Variants in GLRA2 observed in about 807,000 individuals in gnomAD.
The protein encoded by GLRA2 is glycine receptor alpha 2, also known as glycine receptor subunit alpha-2.
A neutral mutation model predicts 31.6 loss-of-function variants in GLRA2; 11 were observed. The ratio of observed to expected loss-of-function variants is 0.35; its 90% CI spans 0.22 to 0.58. The LOEUF (loss-of-function observed/expected upper bound fraction) is 0.58. Ranked by LOEUF, GLRA2 falls within the 20% of genes least tolerant of loss-of-function variation. GLRA2 has a pLI of 0.84. For missense variants in GLRA2, 212 were observed against 351.8 expected, an observed-to-expected ratio of 0.60 and a Z score of 3.18; for synonymous variants, 132 against 134.0, an observed-to-expected ratio of 0.99 and a Z score of 0.10.
chrX:14,480,579 C>T, the GLRA2 span, among the ~76,000 whole-genome samples: 7 of 111,510 alleles, frequency 6.3e-5, no homozygotes, highest in East Asian at 2.8e-4. Flanking sequence ...CTGCATATAG[C>T]GAGCCAGCTA....
chrX:14,501,072 T>TAAAAAAAA, the GLRA2 span, among the ~76,000 whole-genome samples: 1 of 89,481 alleles, frequency 1.1e-5, no homozygotes, highest in Non-Finnish European at 2.2e-5. Context: ...GAAAAAGTAG[T>TAAAAAAAA]AAAAAAAAAA....
chrX:14,629,789 C>T (rs1480076995), intron 7 of GLRA2, among the ~76,000 whole-genome samples: 3 of 111,415 alleles, frequency 2.7e-5, no homozygotes, highest in African/African-American at 9.8e-5. Context: ...ATATATTTTA[C>T]TTATCACAGT....
chrX:14,603,078 T>A (rs1200304576), intron 4 of GLRA2, among the ~76,000 whole-genome samples: 1 of 94,365 alleles, frequency 1.1e-5, no homozygotes, highest in Non-Finnish European at 2.2e-5. Context: ...CATGCCAACA[T>A]CTATTTTTTT....
chrX:14,491,230 C>T, the GLRA2 span, among the ~76,000 whole-genome samples: 2 of 111,542 alleles, frequency 1.8e-5, no homozygotes, highest in African/African-American at 6.5e-5. Flanking sequence ...ATTATTCTGT[C>T]CATTTGCTGT....
At chrX:14,678,864 T>C (rs1302911492) in intron 7 of GLRA2, among the ~76,000 whole-genome samples, 5 of 111,115 alleles carry the variant, frequency 4.5e-5, no homozygotes, top group Non-Finnish European at 9.4e-5. Flanking sequence ...CCTAGGTCTT[T>C]TGGGGATCCA....
chrX:14,553,130 T>G (rs1601704309), intron 2 of GLRA2, among the ~76,000 whole-genome samples: 2 of 111,838 alleles, frequency 1.8e-5, no homozygotes, highest in Non-Finnish European at 3.8e-5. Context: ...CACATTGAGA[T>G]GGAGGTAGAA....
chrX:14,465,527 T>C, the GLRA2 span, among the ~76,000 whole-genome samples: 1 of 112,445 alleles, frequency 8.9e-6, no homozygotes, highest in Admixed American at 9.5e-5. Flanking sequence ...TTCTCTTGCA[T>C]GTTTCTTAAT....
chrX:14,701,274 G>A (rs1012836144), intron 8 of GLRA2, among the ~76,000 whole-genome samples: 3 of 111,399 alleles, frequency 2.7e-5, no homozygotes, highest in Non-Finnish European at 5.6e-5. Context: ...GCATCAATGT[G>A]CTGGATTCGG....
the GLRA2 span, among the ~76,000 whole-genome samples, chrX:14,508,250 C>T: frequency 3.6e-5 from 4 of 112,253 alleles, no homozygotes; most frequent in Non-Finnish European, 5.6e-5. Context: ...ATTACTCATG[C>T]CATTTCTCAA....
intron 7 of GLRA2, among the ~76,000 whole-genome samples, chrX:14,666,145 T>C (rs2091036773): frequency 8.9e-6 from 1 of 112,312 alleles, no homozygotes. Flanking sequence ...ATGTTACTCA[T>C]TAATGAAAAG....
At chrX:14,702,893 C>T (rs1279041255) in intron 8 of GLRA2, among the ~76,000 whole-genome samples, 1 of 111,457 alleles carries the variant, frequency 9.0e-6, no homozygotes, top group African/African-American at 3.3e-5. Flanking sequence ...GGCCACCATA[C>T]AGAGAGGAGA....
At chrX:14,575,124 GA>G (rs1211229259) in intron 3 of GLRA2, among the ~76,000 whole-genome samples, 3 of 107,733 alleles carry the variant, frequency 2.8e-5, no homozygotes, top group Non-Finnish European at 5.7e-5. Context: ...AAGCTAATTA[GA>G]AGCTCATTAT....
Position 14,675,684 on chromosome X carries a change from C to G in GLRA2, c.931-15026C>G, listed in dbSNP as rs767248402. Among the ~76,000 whole-genome samples, 6 of 111,878 alleles carry G rather than the reference C, an allele frequency of 5.4e-5. No homozygotes were observed. In the East Asian group the frequency reaches 1.4e-3, roughly 26 times the overall value. On this transcript the variant is annotated intron_variant, in intron 7 of 8. Coordinates refer to ENST00000218075, the MANE Select transcript of GLRA2 (RefSeq NM_002063.4). ...CATCATCCATCTCTGCCAAGGAAAT[C>G]TGATTTCCCCAGCATTAAATGGCAG...
chrX:14,462,003 G>A, the GLRA2 span, among the ~76,000 whole-genome samples: 4 of 112,148 alleles, frequency 3.6e-5, no homozygotes, highest in Admixed American at 1.9e-4. Context: ...TCCTTTCCAT[G>A]TTTAGTGCTT....
chrX:14,681,256 A>G (rs190669994), intron 7 of GLRA2, among the ~76,000 whole-genome samples: 1 of 112,359 alleles, frequency 8.9e-6, no homozygotes, highest in East Asian at 2.8e-4. Flanking sequence ...AGTATCAAAT[A>G]TATACAATCG....
At chrX:14,583,830 C>T (rs1292190647) in intron 4 of GLRA2, among the ~76,000 whole-genome samples, 1 of 111,909 alleles carries the variant, frequency 8.9e-6, no homozygotes, top group Non-Finnish European at 1.9e-5. Flanking sequence ...AGAATGAGAT[C>T]ATATCCTTTG....
At chrX:14,466,543 C>T in the GLRA2 span, among the ~76,000 whole-genome samples, 5 of 110,545 alleles carry the variant, frequency 4.5e-5, no homozygotes, top group Admixed American at 9.6e-5. Flanking sequence ...TCTCCATTGG[C>T]TCTAAGATTG....
chrX:14,458,358 A>C, the GLRA2 span, among the ~76,000 whole-genome samples: 3 of 111,937 alleles, frequency 2.7e-5, no homozygotes, highest in Non-Finnish European at 5.6e-5. Flanking sequence ...TTATAGCAGC[A>C]TGATTTATAG....
chrX:14,592,842 C>T (rs1344712675), intron 4 of GLRA2, among the ~76,000 whole-genome samples: 1 of 112,221 alleles, frequency 8.9e-6, no homozygotes, highest in Non-Finnish European at 1.9e-5. Context: ...GGTTTATATA[C>T]TTTTAGACAA....
Sources: gnomAD v4.1 joint callset for allele counts (sites outside exome capture counted in the v4.1 genomes callset) on GRCh38, gnomAD v4.1.1 for gene constraint, MANE v1.5 for transcripts, NCBI Gene and HGNC (gene_info 2026-07-23, HGNC 2026-07-21) for gene names.